SLIT3: variants seen among roughly 807,000 people sequenced by gnomAD.
SLIT3 encodes slit homolog 3 protein.
In SLIT3, 68 loss-of-function variants were observed where a neutral mutation model predicts 184.0. The observed-to-expected ratio is 0.37, with a 90% CI of 0.30 to 0.45. SLIT3 has a LOEUF of 0.45. Among genes scored for constraint, SLIT3 ranks in the 20% least tolerant of loss-of-function variants. The pLI is 1.00. For missense variants in SLIT3, 1,707 were observed against 2,026.0 expected, an observed-to-expected ratio of 0.84 and a Z score of 3.02; for synonymous variants, 831 against 828.6, an observed-to-expected ratio of 1.00 and a Z score of -0.05.
chr5:168,975,305 A>G (rs1312197418), intron 4 of SLIT3, among the ~76,000 whole-genome samples: 2 of 152,186 alleles, frequency 1.3e-5, no homozygotes, highest in Non-Finnish European at 2.9e-5. Context: ...GGCTTTTCCT[A>G]GTGAACTCTG....
At chr5:169,199,363 C>T (rs920642074) in intron 3 of SLIT3, among the ~76,000 whole-genome samples, 6 of 151,952 alleles carry the variant, frequency 3.9e-5, no homozygotes, top group Admixed American at 6.6e-5. Context: ...TACAGGAGTG[C>T]GGGTATGAAA....
chr5:169,213,922 T>A (rs1381856156), intron 3 of SLIT3, among the ~76,000 whole-genome samples: 1 of 151,964 alleles, frequency 6.6e-6, no homozygotes, highest in African/African-American at 2.4e-5. Context: ...GAGAAAGAGG[T>A]GTGGAATAAA....
At chr5:168,759,614 CAGA>C (rs1315537038) in intron 16 of SLIT3, among the ~76,000 whole-genome samples, 1 of 152,178 alleles carries the variant, frequency 6.6e-6, no homozygotes, top group Non-Finnish European at 1.5e-5. Context: ...TGAGAGGTGA[CAGA>C]AGAAGGCAGA....
chr5:169,172,960 G>C (rs1371824804), intron 4 of SLIT3, among the ~76,000 whole-genome samples: 3 of 152,122 alleles, frequency 2.0e-5, no homozygotes, highest in Admixed American at 2.0e-4. Context: ...GCTTCCTAGA[G>C]GTGGAGAGAT....
chr5:168,880,917 T>G (rs890468363), intron 5 of SLIT3, among the ~76,000 whole-genome samples: 1 of 152,246 alleles, frequency 6.6e-6, no homozygotes, highest in Non-Finnish European at 1.5e-5. Flanking sequence ...TTTTCTTGTA[T>G]GTACATGATT....
At chr5:168,686,620 T>G (rs776686282) in intron 30 of SLIT3, among the ~76,000 whole-genome samples, 6 of 152,194 alleles carry the variant, frequency 3.9e-5, no homozygotes, top group Non-Finnish European at 7.3e-5. Flanking sequence ...TTCTGGCCAG[T>G]GTGGCCATGT....
At chr5:169,263,689 A>AC in intron 1 of SLIT3, 1 of 511,036 alleles carries the variant, frequency 2.0e-6, no homozygotes, top group Non-Finnish European at 4.0e-6. Context: ...TAGCACAGAC[A>AC]CCCCACACTC....
At chr5:168,994,998 G>A (rs1479269706) in intron 4 of SLIT3, among the ~76,000 whole-genome samples, 1 of 152,122 alleles carries the variant, frequency 6.6e-6, no homozygotes, top group East Asian at 1.9e-4. Context: ...AGCCTATGAA[G>A]TTAGGAGCTA....
intron 4 of SLIT3, among the ~76,000 whole-genome samples, chr5:169,055,580 G>A (rs1020739659): frequency 6.6e-6 from 1 of 152,200 alleles, no homozygotes; most frequent in Non-Finnish European, 1.5e-5. Context: ...AGTGGCTCAC[G>A]CCTGTAATCC....
intron 4 of SLIT3, among the ~76,000 whole-genome samples, chr5:169,008,358 G>A (rs1756008378): frequency 6.6e-6 from 1 of 152,112 alleles, no homozygotes; most frequent in Admixed American, 6.5e-5. Flanking sequence ...CAAGACAAGG[G>A]CCTGACTTCC....
chr5:169,004,771 C>T (rs1333776752), intron 4 of SLIT3, among the ~76,000 whole-genome samples: 1 of 151,854 alleles, frequency 6.6e-6, no homozygotes, highest in African/African-American at 2.4e-5. Context: ...GGATGAATTC[C>T]CTTATAGGAA....
At position 169,044,590 on chromosome 5, in the gene SLIT3, G is replaced by T. The variant is rs537979014; in HGVS notation, c.413+148889C>A. Among the ~76,000 whole-genome samples, 23 of 150,318 alleles carry T rather than the reference G, an allele frequency of 1.5e-4. No individual in the cohort carries two copies. The East Asian group carries it at 2.3e-3, about 15-fold the overall frequency. Reference sequence around the variant, plus strand: ...TTTGCTGGGGGCTGGAGGAAGGTGGGGGGGGGGATGGGGAGAAATTGTTAA... The same window carrying T: ...TTTGCTGGGGGCTGGAGGAAGGTGGTGGGGGGGATGGGGAGAAATTGTTAA... On this transcript the variant is annotated intron_variant, in intron 4 of 35. Transcript: ENST00000519560.
intron 4 of SLIT3, among the ~76,000 whole-genome samples, chr5:169,153,527 A>T (rs1762196942): frequency 6.6e-6 from 1 of 152,238 alleles, no homozygotes; most frequent in African/African-American, 2.4e-5. Flanking sequence ...CTCTCTCTAC[A>T]AACAGACTGT....
chr5:169,094,577 C>T (rs945801923), intron 4 of SLIT3, among the ~76,000 whole-genome samples: 5 of 152,184 alleles, frequency 3.3e-5, no homozygotes, highest in African/African-American at 4.8e-5. Context: ...TTGCAGTGAG[C>T]CCAGATTGCA....
chr5:168,974,066 C>T lies in SLIT3; in HGVS notation c.414-90730G>A, dbSNP rs180965002. Among the ~76,000 whole-genome samples, 1,394 of 152,282 alleles carry T rather than the reference C, an allele frequency of 9.2e-3. 16 individuals are homozygous for T. Among genetic ancestry groups the T allele is most frequent in the African/African-American group, 0.032 (1,333 of 41,542 alleles). ...CACATTTCTTAAGAAGCTGGCATCT[C>T]TCTCTCTCTCCACCTACCTATCTAC... On this transcript the variant is annotated intron_variant, in intron 4 of 35. Coordinates refer to ENST00000519560, the MANE Select transcript of SLIT3 (RefSeq NM_003062.4).
intron 20 of SLIT3, among the ~76,000 whole-genome samples, chr5:168,732,881 GAA>G (rs1319144186): frequency 6.6e-6 from 1 of 152,062 alleles, no homozygotes; most frequent in Admixed American, 6.6e-5. Context: ...GAAAACCTAG[GAA>G]AAACTCTTTT....
chr5:168,895,752 C>T (rs1049252012), intron 4 of SLIT3, among the ~76,000 whole-genome samples: 1 of 152,176 alleles, frequency 6.6e-6, no homozygotes, highest in Admixed American at 6.5e-5. Context: ...CTGATATTGA[C>T]TACAGGAGAA....
intron 4 of SLIT3, among the ~76,000 whole-genome samples, chr5:169,010,288 G>A (rs1756095897): frequency 6.6e-6 from 1 of 152,104 alleles, no homozygotes; most frequent in Non-Finnish European, 1.5e-5. Context: ...TAAGGGGAAG[G>A]GGCAATCCAG....
chr5:169,270,339 A>C (rs1175349996), intron 1 of SLIT3, among the ~76,000 whole-genome samples: 1 of 152,200 alleles, frequency 6.6e-6, no homozygotes, highest in African/African-American at 2.4e-5. Context: ...TCAGCAAACT[A>C]CAGCCCACAG....
Sources: gnomAD v4.1 joint callset for allele counts (sites outside exome capture counted in the v4.1 genomes callset) on GRCh38, gnomAD v4.1.1 for gene constraint, MANE v1.5 for transcripts, NCBI Gene and HGNC (gene_info 2026-07-23, HGNC 2026-07-21) for gene names.